Variants in PDE4D observed in about 807,000 individuals in gnomAD.
PDE4D encodes the protein 3',5'-cyclic-AMP phosphodiesterase 4D.
PDE4D carries 24 observed loss-of-function variants against 87.4 expected under a neutral mutation model. That is an observed-to-expected ratio of 0.27 (90% CI 0.20 to 0.39). PDE4D has a LOEUF of 0.39. PDE4D is among the 10% of genes least tolerant of loss of function. The probability of loss-of-function intolerance (pLI) is 1.00; values close to 1 mark genes in which losing one functional copy is unlikely to be tolerated. For synonymous variants in PDE4D, 384 were observed against 383.2 expected (o/e 1.00, Z -0.02); for missense variants, 714 against 1,041.0 (o/e 0.69, Z 4.32).
intron 1 of PDE4D, among the ~76,000 whole-genome samples, chr5:59,805,856 C>T (rs2938782): frequency 0.14 from 20,578 of 152,212 alleles, 1,833 homozygotes; most frequent in Middle Eastern, 0.26. Context: ...GAACAGTCCC[C>T]GAAATAACTG....
chr5:60,311,869 A>C (rs1217956258), intron 1 of PDE4D, among the ~76,000 whole-genome samples: 4 of 152,242 alleles, frequency 2.6e-5, no homozygotes, highest in African/African-American at 4.8e-5. Flanking sequence ...GGAATGAAGA[A>C]AATTATACCA....
At chr5:59,308,105 G>A (rs867568610) in intron 1 of PDE4D, among the ~76,000 whole-genome samples, 1,891 of 150,916 alleles carry the variant, frequency 0.013, 18 homozygotes, top group Non-Finnish European at 0.021. Flanking sequence ...GTAAACTATC[G>A]CAAGAACAAA....
At chr5:59,666,085 C>T (rs1229462731) in intron 1 of PDE4D, among the ~76,000 whole-genome samples, 9 of 152,148 alleles carry the variant, frequency 5.9e-5, no homozygotes, top group African/African-American at 9.7e-5. Context: ...CTCAGACTCC[C>T]GAGTAGCTGG....
chr5:59,625,712 C>T (rs1830820557), intron 1 of PDE4D, among the ~76,000 whole-genome samples: 1 of 152,088 alleles, frequency 6.6e-6, no homozygotes. Context: ...AATTAGAAAA[C>T]ATATGCTTTA....
chr5:60,120,075 A>C (rs887747816), intron 2 of PDE4D, among the ~76,000 whole-genome samples: 1 of 152,240 alleles, frequency 6.6e-6, no homozygotes, highest in Non-Finnish European at 1.5e-5. Context: ...ACAAGCACAG[A>C]AAAACATCTT....
At chr5:59,329,550 A>T (rs1776333651) in intron 1 of PDE4D, among the ~76,000 whole-genome samples, 1 of 152,218 alleles carries the variant, frequency 6.6e-6, no homozygotes, top group Non-Finnish European at 1.5e-5. Context: ...ACCTTCAATC[A>T]ATAAGCATAG....
At chr5:59,978,521 T>A (rs1761576140) in intron 3 of PDE4D, among the ~76,000 whole-genome samples, 1 of 152,210 alleles carries the variant, frequency 6.6e-6, no homozygotes, top group Non-Finnish European at 1.5e-5. Flanking sequence ...GTTTCTTGGA[T>A]GAAGCAAAGA....
chr5:60,153,411 C>A (rs547922237), intron 2 of PDE4D, among the ~76,000 whole-genome samples: 14 of 152,216 alleles, frequency 9.2e-5, no homozygotes, highest in African/African-American at 3.4e-4. Context: ...AACACTTGTA[C>A]ACTGTTGGTG....
chr5:60,494,869 C>T (rs2150239187), intron 1 of PDE4D, among the ~76,000 whole-genome samples: 1 of 152,342 alleles, frequency 6.6e-6, no homozygotes, highest in Non-Finnish European at 1.5e-5. Flanking sequence ...TAGGGAATCA[C>T]ACCTGCATAT....
chr5:60,218,994 G>A, intron 1 of PDE4D, among the ~76,000 whole-genome samples: 1 of 152,008 alleles, frequency 6.6e-6, no homozygotes, highest in Non-Finnish European at 1.5e-5. Context: ...TATTTTCTCT[G>A]TATTTTCAAA....
At chr5:60,322,146 A>G (rs1756337454) in intron 1 of PDE4D, among the ~76,000 whole-genome samples, 1 of 152,154 alleles carries the variant, frequency 6.6e-6, no homozygotes, top group African/African-American at 2.4e-5. Flanking sequence ...AAAGACATGG[A>G]CTCAACCTAA....
intron 2 of PDE4D, among the ~76,000 whole-genome samples, chr5:59,995,551 C>A (rs954501394): frequency 1.3e-5 from 2 of 152,028 alleles, no homozygotes; most frequent in African/African-American, 2.4e-5. Flanking sequence ...AACTCTTGAC[C>A]TCAGGTGATC....
intron 1 of PDE4D, among the ~76,000 whole-genome samples, chr5:59,448,326 T>G (rs2153639151): frequency 6.6e-6 from 1 of 152,220 alleles, no homozygotes; most frequent in South Asian, 2.1e-4. Flanking sequence ...CTATTTCCCT[T>G]CTCCATGTTC....
At chr5:60,286,740 G>A (rs1752452883) in intron 1 of PDE4D, among the ~76,000 whole-genome samples, 1 of 152,174 alleles carries the variant, frequency 6.6e-6, no homozygotes, top group Non-Finnish European at 1.5e-5. Flanking sequence ...AACAATCTCA[G>A]AATATTGACT....
chr5:59,435,339 T>C (rs182137112), intron 1 of PDE4D, among the ~76,000 whole-genome samples: 1 of 152,248 alleles, frequency 6.6e-6, no homozygotes, highest in East Asian at 1.9e-4. Context: ...AGCACAGAGA[T>C]GCTCTATTGT....
intron 3 of PDE4D, among the ~76,000 whole-genome samples, chr5:59,935,808 A>T (rs1756502305): frequency 6.6e-6 from 1 of 152,158 alleles, no homozygotes. Context: ...ATGGCTGCAT[A>T]GTATTCCATG....
intron 1 of PDE4D, among the ~76,000 whole-genome samples, chr5:59,680,534 A>G (rs923728085): frequency 2.6e-5 from 4 of 152,188 alleles, no homozygotes; most frequent in African/African-American, 9.6e-5. Flanking sequence ...AAAACAAATT[A>G]ACTGATCCAT....
At chr5:59,146,476 G>T (rs1009348127) in intron 5 of PDE4D, among the ~76,000 whole-genome samples, 1 of 152,088 alleles carries the variant, frequency 6.6e-6, no homozygotes, top group Non-Finnish European at 1.5e-5. Flanking sequence ...GGCAAGGTAT[G>T]ATGGAAGTGC....
intron 2 of PDE4D, among the ~76,000 whole-genome samples, chr5:59,993,866 G>A (rs777365413): frequency 2.0e-5 from 3 of 151,936 alleles, no homozygotes; most frequent in African/African-American, 4.8e-5. Context: ...ATATGAACCT[G>A]CTACCTTGTA....
Sources: allele counts gnomAD v4.1 joint callset (sites outside exome capture counted in the v4.1 genomes callset), GRCh38; gene constraint gnomAD v4.1.1; transcripts MANE v1.5; gene names NCBI Gene and HGNC (gene_info 2026-07-23, HGNC 2026-07-21).